FAM120B: variants seen among roughly 807,000 people sequenced by gnomAD.
FAM120B encodes constitutive coactivator of peroxisome proliferator-activated receptor gamma.
FAM120B carries 83 observed loss-of-function variants against 96.3 expected under a neutral mutation model. That is an observed-to-expected ratio of 0.86 (90% CI 0.72 to 1.03). The LOEUF is 1.03. Ranked by LOEUF, FAM120B falls within the 50% of genes least tolerant of loss-of-function variation. The pLI is 0.00. For missense variants in FAM120B, 1,027 were observed against 1,121.2 expected, an observed-to-expected ratio of 0.92 and a Z score of 1.20; for synonymous variants, 407 against 402.7, an observed-to-expected ratio of 1.01 and a Z score of -0.13.
chr6:170,392,611 T>C (rs2075232604), intron 8 of FAM120B, among the ~76,000 whole-genome samples: 1 of 152,230 alleles, frequency 6.6e-6, no homozygotes, highest in African/African-American at 2.4e-5. Flanking sequence ...CACCTGTAAC[T>C]ACTGCAGTCC....
chr6:170,363,266 G>T lies in FAM120B; in HGVS notation c.2283+4948G>T, dbSNP rs1788576759. On this transcript the variant is annotated intron_variant, in intron 6 of 10. Transcript: ENST00000476287. The surrounding 1 kb of genome is among the most constrained non-coding windows in gnomAD (Gnocchi z 4.5). ...CATAGCTAATCATTGGGAAGTTCTT[G>T]GTCATTTTTTGGTTGGAAAATTAAA... is the stretch of plus-strand genomic sequence containing the variant. 6.6e-6 allele frequency among the ~76,000 whole-genome samples: 1 copy of T among 152,102 alleles called. No homozygotes were observed. The highest frequency in any genetic ancestry group is 1.5e-5 in the Non-Finnish European group (1 of 68,028).
chr6:170,298,999 G>C (rs759986588), intron 1 of FAM120B, among the ~76,000 whole-genome samples: 1 of 152,174 alleles, frequency 6.6e-6, no homozygotes, highest in African/African-American at 2.4e-5. Context: ...TCATCACAGG[G>C]GCTGAGGACC....
chr6:170,406,010 G>A lies in FAM120B; in HGVS notation c.*1259G>A, dbSNP rs144988262. 1 of 141,720 alleles carries A rather than the reference G, an allele frequency of 7.1e-6. No homozygotes were observed. The highest frequency in any genetic ancestry group is 1.9e-4 in the East Asian group (1 of 5,178). 8.8% of individuals were successfully genotyped at this position (141,720 alleles called of 1,614,324 possible). ...TATCTCTGAGCATTGAAGGACTTTT[G>A]GTTAAAAAAAAAAATTAAGTTCAGA... On this transcript the variant is annotated 3_prime_UTR_variant, in exon 11 of 11. Transcript: ENST00000476287.
At chr6:170,350,081 C>T (rs930178263) in intron 5 of FAM120B, among the ~76,000 whole-genome samples, 1 of 152,156 alleles carries the variant, frequency 6.6e-6, no homozygotes, top group Non-Finnish European at 1.5e-5. Context: ...GGAGTCTCAG[C>T]AGAGCAGCTG....
In FAM120B at chr6:170,318,365, C is replaced by T; in HGVS notation, c.975C>T (p.Asp325=). The change falls in exon 2 of 11, where the codon GAC becomes GAT. Residue 325 remains aspartate, a synonymous_variant. Transcript: ENST00000476287. ...FQKPKGVITL[D]KQVISTSSDA... ...AACCCAAAGGTGTAATAACTTTGGACAAACAAGTAATATCCACGAGTTCAG... is the reference window on the plus strand; with the variant it reads ...AACCCAAAGGTGTAATAACTTTGGATAAACAAGTAATATCCACGAGTTCAG... 2 of 1,614,194 alleles carry T rather than the reference C, an allele frequency of 1.2e-6. No individual in the cohort carries two copies. The highest frequency in any genetic ancestry group is 1.7e-6 in the Non-Finnish European group (2 of 1,180,042).
chr6:170,346,908 A>G (rs1787230625), intron 4 of FAM120B, among the ~76,000 whole-genome samples: 1 of 152,142 alleles, frequency 6.6e-6, no homozygotes, highest in African/African-American at 2.4e-5. Context: ...CTTAAGTACT[A>G]CTGCCATAGG....
At chr6:170,401,833 T>C (rs1213577299) in intron 9 of FAM120B, among the ~76,000 whole-genome samples, 1 of 152,244 alleles carries the variant, frequency 6.6e-6, no homozygotes, top group African/African-American at 2.4e-5. Flanking sequence ...GAAAAAAATC[T>C]GAAACCTGAA....
intron 1 of FAM120B, among the ~76,000 whole-genome samples, chr6:170,307,817 C>T (rs2114991259): frequency 6.6e-6 from 1 of 152,214 alleles, no homozygotes; most frequent in African/African-American, 2.4e-5. Context: ...GGACTGGAAA[C>T]CCCGAAATGG....
intron 6 of FAM120B, among the ~76,000 whole-genome samples, chr6:170,380,088 G>A (rs1428631287): frequency 6.6e-6 from 1 of 152,176 alleles, no homozygotes; most frequent in African/African-American, 2.4e-5. Context: ...ATGCAGGTGA[G>A]ATTGTGCAGT....
chr6:170,295,538 G>C lies in FAM120B; in HGVS notation c.48+85G>C. On this transcript the variant is annotated intron_variant, in intron 1 of 10. Coordinates refer to the FAM120B transcript ENST00000537664. This position sits in a 1 kb window ranked among gnomAD's most constrained non-coding sequence, Gnocchi z 7.8. ...CGGGCAGGAGCGCGACCCCCGGCGC[G>C]GGCAGCTCTGCGCGAAGGTGGGCGA... 3.2e-6 allele frequency: 2 copies of C among 625,300 alleles called. No homozygotes were observed. Among genetic ancestry groups the C allele is most frequent in the Admixed American group, 2.7e-5 (1 of 37,488 alleles). 38.7% of individuals were successfully genotyped at this position (625,300 alleles called of 1,614,324 possible).
At chr6:170,361,031 C>G (rs1395826297) in intron 6 of FAM120B, among the ~76,000 whole-genome samples, 1 of 151,798 alleles carries the variant, frequency 6.6e-6, no homozygotes, top group South Asian at 2.1e-4. Context: ...GCTAATTGAG[C>G]CACAGAGGTG....
rs879842469 is a variant in FAM120B, at chr6:170,375,772, G to A, written c.2284-12515G>A. On this transcript the variant is annotated intron_variant, in intron 6 of 10. Coordinates refer to ENST00000476287, the MANE Select transcript of FAM120B (RefSeq NM_032448.3). Reference sequence around the variant, plus strand: ...ACTGCATAGGAGACGCACAGGGCACGGCGGGATGCAGGGACGAGGGATGGT... The same window carrying A: ...ACTGCATAGGAGACGCACAGGGCACAGCGGGATGCAGGGACGAGGGATGGT... 2.6e-5 allele frequency among the ~76,000 whole-genome samples: 4 copies of A among 152,130 alleles called. No homozygotes were observed. The South Asian group carries it at 6.2e-4, about 24-fold the overall frequency.
At chr6:170,349,327 A>G (rs911169190) in intron 5 of FAM120B, among the ~76,000 whole-genome samples, 1 of 152,030 alleles carries the variant, frequency 6.6e-6, no homozygotes. Context: ...TTCAGTGTTC[A>G]CTTACCTGGA....
intron 1 of FAM120B, among the ~76,000 whole-genome samples, chr6:170,296,771 G>A (rs1053590841): frequency 3.3e-5 from 5 of 152,192 alleles, no homozygotes; most frequent in Admixed American, 2.6e-4. Flanking sequence ...GGGGGTCTCC[G>A]GCCCAGGCCC....
rs1788601551 is a variant in FAM120B at position 170,363,675 on chromosome 6, G to T, written c.2283+5357G>T. ...GTAATTCTGGATCTCCATTTCCTTG[G>T]TAATCACTGTGCTGTGATAGTGTGT... On this transcript the variant is annotated intron_variant, in intron 6 of 10. Coordinates refer to ENST00000476287, the MANE Select transcript of FAM120B (RefSeq NM_032448.3). This position sits in a 1 kb window ranked among gnomAD's most constrained non-coding sequence, Gnocchi z 4.5. Among the ~76,000 whole-genome samples, 1 of 152,218 alleles carries T rather than the reference G, an allele frequency of 6.6e-6. No homozygotes were observed. Among genetic ancestry groups the T allele is most frequent in the South Asian group, 2.1e-4 (1 of 4,826 alleles).
chr6:170,329,821 C>A (rs1785885452), intron 3 of FAM120B, among the ~76,000 whole-genome samples: 1 of 152,094 alleles, frequency 6.6e-6, no homozygotes, highest in South Asian at 2.1e-4. Context: ...GTCCACTCTT[C>A]TTCTCTTCAT....
intron 1 of FAM120B, 134 bp from the exon 2 acceptor site, chr6:170,317,236 A>G (rs1458776523): frequency 5.9e-6 from 4 of 674,674 alleles, no homozygotes; most frequent in South Asian, 2.0e-5. Flanking sequence ...GCTCCTAACC[A>G]GCATATCATG....
chr6:170,357,972 G>T (rs1446107793), intron 5 of FAM120B, among the ~76,000 whole-genome samples: 6 of 152,170 alleles, frequency 3.9e-5, no homozygotes, highest in African/African-American at 1.4e-4. Context: ...TTGTGCACCT[G>T]TGCGTGTGCC....
upstream of FAM120B, chr6:170,291,196 ACATTCCTGCAAAATGT>A: frequency 1.7e-6 from 1 of 574,256 alleles, no homozygotes; most frequent in South Asian, 1.7e-5. Context: ...GCACTCATTT[ACATTCCTGCAAAATGT>A]TCACCGCAAG....
Sources: allele counts gnomAD v4.1 joint callset (sites outside exome capture counted in the v4.1 genomes callset), GRCh38; gene constraint gnomAD v4.1.1; non-coding constraint Gnocchi (gnomAD v3.1); transcripts MANE v1.5; gene names NCBI Gene and HGNC (gene_info 2026-07-23, HGNC 2026-07-21).